The following APBA1 variants were observed in gnomAD, a reference collection of about 807,000 sequenced individuals.
APBA1 encodes amyloid-beta A4 precursor protein-binding family A member 1.
Under a neutral mutation model 86.6 loss-of-function variants are expected in APBA1, and 55 were observed. That is an observed-to-expected ratio of 0.64 (90% CI 0.51 to 0.80). APBA1 has a LOEUF of 0.80. APBA1 is among the 30% of genes least tolerant of loss of function. APBA1 has a pLI of 0.00. For missense variants in APBA1, 1,090 were observed against 1,183.0 expected, an observed-to-expected ratio of 0.92 and a Z score of 1.15; for synonymous variants, 511 against 493.9, an observed-to-expected ratio of 1.03 and a Z score of -0.46.
At chr9:69,648,317 T>C (rs1278407536) in intron 1 of APBA1, among the ~76,000 whole-genome samples, 1 of 152,156 alleles carries the variant, frequency 6.6e-6, no homozygotes, top group Admixed American at 6.5e-5. Context: ...AGTGACAAGG[T>C]GCACTTGAAT....
At chr9:69,578,767 T>C (rs1358718437) in intron 1 of APBA1, among the ~76,000 whole-genome samples, 1 of 152,198 alleles carries the variant, frequency 6.6e-6, no homozygotes, top group African/African-American at 2.4e-5. Context: ...CAGTCTAGCT[T>C]AGCACACAAA....
At chr9:69,439,355 T>C (rs1042814497) in intron 11 of APBA1, among the ~76,000 whole-genome samples, 2 of 151,056 alleles carry the variant, frequency 1.3e-5, no homozygotes, top group African/African-American at 4.9e-5. Context: ...TTCTCCTGGA[T>C]AATATCCTGC....
intron 1 of APBA1, among the ~76,000 whole-genome samples, chr9:69,602,110 C>G (rs1250045124): frequency 2.0e-5 from 3 of 152,148 alleles, no homozygotes; most frequent in African/African-American, 7.2e-5. Context: ...TTAATCCCTT[C>G]TTTTTTCATG....
chr9:69,533,183 A>G (rs977860419), intron 1 of APBA1, among the ~76,000 whole-genome samples: 1 of 152,312 alleles, frequency 6.6e-6, no homozygotes, highest in East Asian at 1.9e-4. Flanking sequence ...GATGGAGGGG[A>G]CAGGATATAT....
chr9:69,518,035 A>G (rs534880199), intron 1 of APBA1, among the ~76,000 whole-genome samples: 264 of 152,306 alleles, frequency 1.7e-3, no homozygotes, highest in African/African-American at 5.9e-3. Context: ...CTAGAGGCCA[A>G]TGTTACATAG....
chr9:69,636,008 C>A (rs889927026), intron 1 of APBA1, among the ~76,000 whole-genome samples: 2 of 152,084 alleles, frequency 1.3e-5, no homozygotes, highest in Non-Finnish European at 2.9e-5. Flanking sequence ...TGCAAACTAC[C>A]CATATGATGG....
intron 12 of APBA1, 73 bp from the exon 13 acceptor site, chr9:69,431,471 G>C: frequency 7.4e-7 from 1 of 1,350,006 alleles, no homozygotes; most frequent in Non-Finnish European, 1.0e-6. Flanking sequence ...CCCAGGGCTG[G>C]CCAGAGAGGC....
chr9:69,577,122 G>A (rs1050401579), intron 1 of APBA1, among the ~76,000 whole-genome samples: 14 of 152,094 alleles, frequency 9.2e-5, no homozygotes, highest in African/African-American at 3.4e-4. Context: ...TCATTTCTTT[G>A]TGTTGGGAAA....
At chr9:69,472,887 T>C (rs979171592) in intron 3 of APBA1, among the ~76,000 whole-genome samples, 1 of 152,186 alleles carries the variant, frequency 6.6e-6, no homozygotes, top group Non-Finnish European at 1.5e-5. Context: ...TGGACAACAG[T>C]CTAAAAATAG....
intron 2 of APBA1, among the ~76,000 whole-genome samples, chr9:69,491,695 T>C (rs1284975301): frequency 6.6e-6 from 1 of 151,928 alleles, no homozygotes; most frequent in East Asian, 1.9e-4. Flanking sequence ...TTAGGCTCCA[T>C]TTTGAAAAGT....
chr9:69,516,594 TC>T lies in APBA1; in HGVS notation c.616del (p.Glu206SerfsTer68). The stretch of plus-strand genomic sequence containing the variant: ...CCGCAGGCCGTCGCGTGCGTCCAGC[TC>T]GGGCGCGTCCCCTATCTCCTCGTAC... ...HVYEEIGDAP[E>X]LDARDGLRLY... On this transcript the variant is annotated frameshift_variant, in exon 2 of 13. Transcript: ENST00000265381. LOFTEE classifies it high-confidence loss of function. The surrounding 1 kb of genome is among the most constrained non-coding windows in gnomAD (Gnocchi z 7.3). 2 of 1,603,712 alleles carry T rather than the reference TC, an allele frequency of 1.2e-6. No homozygotes were observed.
chr9:69,608,995 T>TA (rs1247368789), intron 1 of APBA1, among the ~76,000 whole-genome samples: 1 of 152,238 alleles, frequency 6.6e-6, no homozygotes, highest in African/African-American at 2.4e-5. Context: ...GCTTTTAACC[T>TA]AAAACATCAG....
At chr9:69,434,355 G>C (rs537426157) in intron 11 of APBA1, among the ~76,000 whole-genome samples, 3 of 152,192 alleles carry the variant, frequency 2.0e-5, no homozygotes, top group African/African-American at 7.2e-5. Context: ...AGGGAGCTGA[G>C]CCTCCTTCAT....
chr9:69,667,514 C>A (rs1393096984), intron 1 of APBA1, among the ~76,000 whole-genome samples: 1 of 151,174 alleles, frequency 6.6e-6, no homozygotes, highest in African/African-American at 2.4e-5. Flanking sequence ...AAATTCCTTT[C>A]TTTCCACCTC....
intron 1 of APBA1, among the ~76,000 whole-genome samples, chr9:69,597,725 A>C (rs1822258116): frequency 6.6e-6 from 1 of 152,210 alleles, no homozygotes; most frequent in African/African-American, 2.4e-5. Context: ...TCAGCTTTCT[A>C]CATATGGCTA....
In APBA1 at chr9:69,482,691, T is replaced by G. The variant is rs191897149; in HGVS notation, c.1201-6548A>C. ...ATGCACACGTATGTTTATTGCGGCA[T>G]TAGTCGCAATAGCAAAGACTTGGAA... On this transcript the variant is annotated intron_variant, in intron 2 of 12. Transcript: ENST00000265381. Among the ~76,000 whole-genome samples the G allele has an allele frequency of 9.2e-3, 1,398 of 151,952 alleles. 21 individuals carry two copies. Among genetic ancestry groups the G allele is most frequent in the African/African-American group, 0.032 (1,315 of 41,444 alleles).
At chr9:69,664,214 C>G (rs1052443577) in intron 1 of APBA1, among the ~76,000 whole-genome samples, 1 of 152,120 alleles carries the variant, frequency 6.6e-6, no homozygotes, top group Non-Finnish European at 1.5e-5. Flanking sequence ...TGAATGAATA[C>G]AGAGTAAAGG....
intron 1 of APBA1, among the ~76,000 whole-genome samples, chr9:69,660,938 G>T (rs1054600758): frequency 6.6e-6 from 1 of 152,120 alleles, no homozygotes; most frequent in African/African-American, 2.4e-5. Context: ...TTAGATCAGG[G>T]GTCAGTAAAC....
chr9:69,546,729 T>G (rs1245523466), intron 1 of APBA1, among the ~76,000 whole-genome samples: 3 of 152,222 alleles, frequency 2.0e-5, no homozygotes, highest in Non-Finnish European at 4.4e-5. Flanking sequence ...AGGGAATAAA[T>G]CTTAAAGTAA....
Sources: gnomAD v4.1 joint callset for allele counts (sites outside exome capture counted in the v4.1 genomes callset) on GRCh38, gnomAD v4.1.1 for gene constraint, Gnocchi (gnomAD v3.1) non-coding constraint, MANE v1.5 for transcripts, NCBI Gene and HGNC (gene_info 2026-07-23, HGNC 2026-07-21) for gene names.